The following CMC2 variants were observed in gnomAD, a reference collection of about 807,000 sequenced individuals.
CMC2 encodes COX assembly mitochondrial protein 2 homolog.
A neutral mutation model predicts 7.5 loss-of-function variants in CMC2; 5 were observed. The observed-to-expected ratio is 0.66, with a 90% CI of 0.35 to 1.40. CMC2 has a LOEUF of 1.40. Among genes scored for constraint, CMC2 ranks in the 40% most tolerant of loss-of-function variants. CMC2 has a pLI of 0.04. For synonymous variants in CMC2, 37 were observed against 31.4 expected (o/e 1.18, Z -0.60); for missense variants, 115 against 92.3 (o/e 1.25, Z -1.01).
chr16:80,971,599 C>CATATATATATAT lies in CMC2; in HGVS notation c.*4482_*4493dup, dbSNP rs947816734. 7 of 113,252 alleles carry CATATATATATAT rather than the reference C, an allele frequency of 6.2e-5. No individual in the cohort carries two copies. Among genetic ancestry groups the CATATATATATAT allele is most frequent in the African/African-American group, 2.7e-4 (6 of 21,880 alleles). The allele number at this position is 113,252 out of a possible 1,614,324, so 7.0% of individuals were successfully genotyped here. Reference sequence around the variant, plus strand: ...ATATATATATATGTATGAAATCATGCATATATATATATGTATGAAATCATG... The same window carrying CATATATATATAT: ...ATATATATATATGTATGAAATCATGCATATATATATATATATATATATATGTATGAAATCATG... On this transcript the variant is annotated 3_prime_UTR_variant, in exon 4 of 4. Transcript: ENST00000219400.
intron 2 of CMC2, among the ~76,000 whole-genome samples, chr16:80,993,632 G>C (rs1460876412): frequency 6.6e-6 from 1 of 152,184 alleles, no homozygotes; most frequent in African/African-American, 2.4e-5. Context: ...CCAAAGTAGA[G>C]ATCTCATTGA....
chr16:80,991,624 T>C (rs545122323), intron 2 of CMC2: 2 of 199,178 alleles, frequency 1.0e-5, no homozygotes, highest in African/African-American at 2.4e-5. Context: ...CTGGAAGACA[T>C]AGTGGACCCT....
chr16:80,983,595 A>C (rs1017282857), intron 2 of CMC2: 1 of 152,256 alleles, frequency 6.6e-6, no homozygotes, highest in African/African-American at 2.4e-5. Flanking sequence ...TTCACTACCA[A>C]ACACTGTCCT....
chr16:80,983,401 T>C (rs1047464226), intron 2 of CMC2: 4 of 152,256 alleles, frequency 2.6e-5, no homozygotes, highest in African/African-American at 7.2e-5. Context: ...TTAAAGACTT[T>C]TTCTTAATGA....
intron 3 of CMC2, chr16:80,978,264 G>A: frequency 8.9e-7 from 1 of 1,118,906 alleles, no homozygotes; most frequent in South Asian, 2.1e-5. Context: ...CTACTGGATT[G>A]CCCCCAGCAA....
At chr16:80,990,665 T>C (rs1967917587) in intron 2 of CMC2, among the ~76,000 whole-genome samples, 1 of 152,236 alleles carries the variant, frequency 6.6e-6, no homozygotes, top group Non-Finnish European at 1.5e-5. Flanking sequence ...TTTTGTCCTT[T>C]GACTTCTTCA....
At chr16:80,988,562 T>C (rs1251333778) in intron 2 of CMC2, 1 of 701,858 alleles carries the variant, frequency 1.4e-6, no homozygotes, top group Non-Finnish European at 2.6e-6. Flanking sequence ...GCTTTTCTTC[T>C]GAACCGAGTA....
intron 1 of CMC2, among the ~76,000 whole-genome samples, chr16:81,003,625 C>A (rs908993857): frequency 5.9e-5 from 9 of 152,178 alleles, no homozygotes; most frequent in Non-Finnish European, 1.3e-4. Flanking sequence ...GCATTCACAG[C>A]AGTTTGTGAA....
chr16:81,005,133 A>G (rs76810683), intron 1 of CMC2, among the ~76,000 whole-genome samples: 12,928 of 152,354 alleles, frequency 0.085, 671 homozygotes, highest in East Asian at 0.16. Context: ...CGCTTTCTAA[A>G]ATATATCTTT....
At chr16:81,003,786 AAAG>A (rs35130103) in intron 1 of CMC2, among the ~76,000 whole-genome samples, 95,463 of 151,762 alleles carry the variant, frequency 0.63, 31,528 homozygotes, top group South Asian at 0.79. Flanking sequence ...AGACACAAAA[AAAG>A]AGAAGAGTAT....
chr16:80,995,071 G>C (rs1567526920), intron 2 of CMC2, among the ~76,000 whole-genome samples: 1 of 152,116 alleles, frequency 6.6e-6, no homozygotes, highest in Non-Finnish European at 1.5e-5. Context: ...GCTTGAACCT[G>C]GGAGGCAGAG....
intron 2 of CMC2, chr16:80,988,449 T>C (rs1240981599): frequency 2.3e-5 from 15 of 657,904 alleles, no homozygotes; most frequent in Non-Finnish European, 3.3e-5. Context: ...CATTTGTCAA[T>C]TTCAAACTTG....
chr16:80,999,255 C>T (rs2194320), intron 1 of CMC2, among the ~76,000 whole-genome samples: 147,573 of 152,310 alleles, frequency 0.97, 71,663 homozygotes, highest in Middle Eastern at 1. Context: ...ATCAGTAGCA[C>T]GTCTATACAC....
Position 80,972,582 on chromosome 16 carries a change from G to A in CMC2, c.*3511C>T, listed in dbSNP as rs1257250890. 2 of 152,142 alleles carry A rather than the reference G, an allele frequency of 1.3e-5. No homozygotes were observed. Among genetic ancestry groups the A allele is most frequent in the Non-Finnish European group, 2.9e-5 (2 of 68,026 alleles). 9.4% of individuals were successfully genotyped at this position (152,142 alleles called of 1,614,324 possible). On this transcript the variant is annotated 3_prime_UTR_variant, in exon 4 of 4. Coordinates refer to ENST00000219400, the MANE Select transcript of CMC2 (RefSeq NM_020188.5). Reference sequence around the variant, plus strand: ...TCACTCTTAAGTAAAATTGTGTAGTGCTTCCTAAAATAAACCATTAATTCA... The same window carrying A: ...TCACTCTTAAGTAAAATTGTGTAGTACTTCCTAAAATAAACCATTAATTCA...
intron 2 of CMC2, among the ~76,000 whole-genome samples, chr16:80,990,741 C>G (rs1967928059): frequency 6.6e-6 from 1 of 151,974 alleles, no homozygotes; most frequent in Non-Finnish European, 1.5e-5. Context: ...TTTTCAGAGG[C>G]AGGGTCTTAC....
Position 80,976,038 on chromosome 16 carries a change from T to C in CMC2, c.*55A>G, listed in dbSNP as rs1360013035. Reference sequence around the variant, plus strand: ...AAATAAGACAGGATTCTTTCAGGTATCAACCCAGAGTCTTTAGGTCTTCTC... The same window carrying C: ...AAATAAGACAGGATTCTTTCAGGTACCAACCCAGAGTCTTTAGGTCTTCTC... On this transcript the variant is annotated 3_prime_UTR_variant, in exon 4 of 4. Coordinates refer to ENST00000219400, the MANE Select transcript of CMC2 (RefSeq NM_020188.5). 2.1e-5 allele frequency: 20 copies of C among 968,442 alleles called. No individual in the cohort carries two copies. Among genetic ancestry groups the C allele is most frequent in the Middle Eastern group, 2.2e-4 (1 of 4,490 alleles). 60.0% of individuals were successfully genotyped at this position (968,442 alleles called of 1,614,324 possible).
At chr16:80,980,675 A>C (rs1159350366) in intron 3 of CMC2, 1 of 518,894 alleles carries the variant, frequency 1.9e-6, no homozygotes, top group African/African-American at 2.0e-5. Context: ...GGACTGCTTG[A>C]GGTTAGCAGT....
intron 3 of CMC2, among the ~76,000 whole-genome samples, chr16:80,977,551 G>C (rs1912557214): frequency 6.6e-6 from 1 of 152,172 alleles, no homozygotes; most frequent in Non-Finnish European, 1.5e-5. Flanking sequence ...AGAAATTAAA[G>C]ATTAGTGATA....
At chr16:80,989,421 G>C (rs1967797528) in intron 2 of CMC2, among the ~76,000 whole-genome samples, 1 of 152,016 alleles carries the variant, frequency 6.6e-6, no homozygotes, top group Admixed American at 6.6e-5. Flanking sequence ...TTGATGCTCT[G>C]CCCCATTTTT....
Sources: allele counts gnomAD v4.1 joint callset (sites outside exome capture counted in the v4.1 genomes callset), GRCh38; gene constraint gnomAD v4.1.1; transcripts MANE v1.5; gene names NCBI Gene and HGNC (gene_info 2026-07-23, HGNC 2026-07-21).